Variants in ZMAT4 observed in about 807,000 individuals in gnomAD.
ZMAT4 encodes the protein zinc finger matrin-type 4, also known as zinc finger matrin-type protein 4.
ZMAT4 carries 17 observed loss-of-function variants against 28.7 expected under a neutral mutation model. The observed-to-expected ratio is 0.59, with a 90% CI of 0.41 to 0.89. ZMAT4 has a LOEUF of 0.89. Among genes scored for constraint, ZMAT4 ranks in the 40% least tolerant of loss-of-function variants. The pLI, the probability that ZMAT4 is intolerant of heterozygous loss-of-function variation, is 0.00. For synonymous variants in ZMAT4, 117 were observed against 109.2 expected, an observed-to-expected ratio of 1.07 and a Z score of -0.44; for missense variants, 240 against 283.8, an observed-to-expected ratio of 0.85 and a Z score of 1.11.
intron 1 of ZMAT4, among the ~76,000 whole-genome samples, chr8:40,837,361 A>C (rs1458499121): frequency 6.6e-6 from 1 of 152,104 alleles, no homozygotes; most frequent in Non-Finnish European, 1.5e-5. Flanking sequence ...GTGGAGCAGA[A>C]CTCCCTTTCC....
At chr8:40,643,230 G>A (rs927797512) in intron 5 of ZMAT4, among the ~76,000 whole-genome samples, 17 of 151,942 alleles carry the variant, frequency 1.1e-4, no homozygotes, top group Non-Finnish European at 1.8e-4. Flanking sequence ...TTGTTTCCAC[G>A]GTGGCAATGA....
intron 1 of ZMAT4, among the ~76,000 whole-genome samples, chr8:40,893,387 T>C (rs1238279236): frequency 1.3e-5 from 2 of 152,184 alleles, no homozygotes; most frequent in African/African-American, 4.8e-5. Context: ...GACCTCTGGC[T>C]CTATATCTAA....
At chr8:40,757,981 C>G (rs558042004) in intron 3 of ZMAT4, among the ~76,000 whole-genome samples, 17 of 152,170 alleles carry the variant, frequency 1.1e-4, no homozygotes, top group African/African-American at 3.1e-4. Flanking sequence ...TCCTTCCTGC[C>G]CTAGAACATC....
chr8:40,680,732 A>G (rs2150478879), intron 4 of ZMAT4, among the ~76,000 whole-genome samples: 1 of 151,442 alleles, frequency 6.6e-6, no homozygotes, highest in South Asian at 2.1e-4. Context: ...ACACACACAC[A>G]TATACTTTCT....
At chr8:40,601,630 GAAAGA>G (rs1805362189) in intron 5 of ZMAT4, among the ~76,000 whole-genome samples, 4 of 25,940 alleles carry the variant, frequency 1.5e-4, no homozygotes, top group African/African-American at 4.1e-4. Flanking sequence ...AAGAAAGAAA[GAAAGA>G]GAAAGAAAGA....
In ZMAT4 at chr8:40,836,570, C is replaced by T. The variant is rs151109161; in HGVS notation, c.-4-10890G>A. 2.8e-3 allele frequency among the ~76,000 whole-genome samples: 431 copies of T among 152,220 alleles called. 5 individuals are homozygous for T. The highest frequency in any genetic ancestry group is 9.8e-3 in the African/African-American group (405 of 41,524). Reference sequence around the variant, plus strand: ...TCACAGCAACAAACCAGAATACAGACGAATCATAGCAATCTAATATTTACA... The same window carrying T: ...TCACAGCAACAAACCAGAATACAGATGAATCATAGCAATCTAATATTTACA... On this transcript the variant is annotated intron_variant, in intron 1 of 6. Coordinates refer to ENST00000297737, the MANE Select transcript of ZMAT4 (RefSeq NM_024645.3).
chr8:40,601,630 GAAA>G (rs1805362103), intron 5 of ZMAT4, among the ~76,000 whole-genome samples: 5 of 25,968 alleles, frequency 1.9e-4, no homozygotes, highest in East Asian at 1.4e-3. Context: ...AAGAAAGAAA[GAAA>G]GAGAAAGAAA....
chr8:40,571,968 T>C (rs376057256), intron 6 of ZMAT4, among the ~76,000 whole-genome samples: 1 of 152,192 alleles, frequency 6.6e-6, no homozygotes, highest in Non-Finnish European at 1.5e-5. Context: ...GTAAACTACA[T>C]TGAAAATTCT....
At chr8:40,890,939 G>C (rs893911187) in intron 1 of ZMAT4, among the ~76,000 whole-genome samples, 20 of 151,740 alleles carry the variant, frequency 1.3e-4, no homozygotes, top group African/African-American at 4.4e-4. Context: ...CGGCTCCTCT[G>C]CCCACCCCAA....
chr8:40,893,182 G>A (rs1008548028), intron 1 of ZMAT4, among the ~76,000 whole-genome samples: 1 of 152,146 alleles, frequency 6.6e-6, no homozygotes, highest in African/African-American at 2.4e-5. Context: ...TGCTTCTTCT[G>A]TTACAACATC....
At chr8:40,643,229 C>T (rs117179950) in intron 5 of ZMAT4, among the ~76,000 whole-genome samples, 1,734 of 152,144 alleles carry the variant, frequency 0.011, 17 homozygotes, top group Non-Finnish European at 0.018. Flanking sequence ...TTTGTTTCCA[C>T]GGTGGCAATG....
chr8:40,701,052 C>T (rs1810123604), intron 3 of ZMAT4, among the ~76,000 whole-genome samples: 1 of 152,030 alleles, frequency 6.6e-6, no homozygotes, highest in South Asian at 2.1e-4. Context: ...ACAGGGAGGT[C>T]TATGGCAACC....
intron 5 of ZMAT4, among the ~76,000 whole-genome samples, chr8:40,651,705 G>T (rs1379034829): frequency 1.3e-5 from 2 of 151,968 alleles, no homozygotes; most frequent in African/African-American, 2.4e-5. Flanking sequence ...AACCAAAACA[G>T]CATGTTTGGT....
At chr8:40,622,065 GTATTTT>G (rs1806221485) in intron 5 of ZMAT4, among the ~76,000 whole-genome samples, 1 of 152,132 alleles carries the variant, frequency 6.6e-6, no homozygotes, top group Non-Finnish European at 1.5e-5. Flanking sequence ...TCAATTCCAA[GTATTTT>G]ACATGTTTAC....
At chr8:40,880,728 G>A (rs1015964097) in intron 1 of ZMAT4, among the ~76,000 whole-genome samples, 7 of 152,076 alleles carry the variant, frequency 4.6e-5, no homozygotes, top group Non-Finnish European at 7.4e-5. Context: ...TGGCTCCAAA[G>A]CTACCCACCT....
At chr8:40,772,209 TC>T (rs1229216745) in intron 2 of ZMAT4, among the ~76,000 whole-genome samples, 1 of 152,172 alleles carries the variant, frequency 6.6e-6, no homozygotes, top group Non-Finnish European at 1.5e-5. Flanking sequence ...TACCAACTCT[TC>T]CATTTTAATT....
At chr8:40,861,669 A>G (rs138883199) in intron 1 of ZMAT4, among the ~76,000 whole-genome samples, 35 of 152,340 alleles carry the variant, frequency 2.3e-4, no homozygotes, top group African/African-American at 7.9e-4. Context: ...CAATCTACTC[A>G]TCTGACAAAG....
chr8:40,835,217 A>G (rs1816432556), intron 1 of ZMAT4, among the ~76,000 whole-genome samples: 1 of 152,214 alleles, frequency 6.6e-6, no homozygotes, highest in African/African-American at 2.4e-5. Flanking sequence ...CATGGGGGAA[A>G]GCCAGAGGCA....
chr8:40,596,916 G>A (rs1805125543), intron 5 of ZMAT4, among the ~76,000 whole-genome samples: 1 of 152,188 alleles, frequency 6.6e-6, no homozygotes, highest in African/African-American at 2.4e-5. Flanking sequence ...TCTGGGGCCA[G>A]TTGACTGGGA....
Sources: gnomAD v4.1 joint callset for allele counts (sites outside exome capture counted in the v4.1 genomes callset) on GRCh38, gnomAD v4.1.1 for gene constraint, MANE v1.5 for transcripts, NCBI Gene and HGNC (gene_info 2026-07-23, HGNC 2026-07-21) for gene names.